Variants in MTOR observed in about 807,000 individuals in gnomAD.
The protein encoded by MTOR is serine/threonine-protein kinase mTOR.
A neutral mutation model predicts 319.8 loss-of-function variants in MTOR; 70 were observed. That is an observed-to-expected ratio of 0.22 (90% CI 0.18 to 0.27). The LOEUF (loss-of-function observed/expected upper bound fraction) is 0.27. MTOR is among the 10% of genes least tolerant of loss of function. MTOR has a pLI of 1.00. For missense variants in MTOR, 1,890 were observed against 3,274.4 expected (o/e 0.58, Z 10.32); for synonymous variants, 1,183 against 1,211.4 (o/e 0.98, Z 0.49).
Position 11,130,699 on chromosome 1 carries a change from T to C in MTOR, c.5443A>G (p.Lys1815Glu), listed in dbSNP as rs1283402697. Residue 1815 changes from lysine (K) to glutamate (E), a missense_variant, in exon 39 of 58, where the codon AAG becomes GAG. By Grantham distance (56) the Lys-to-Glu change is moderately conservative. Around this residue, in one of 15 missense-constraint regions of MTOR, gnomAD observed 91 missense variants for 90.4 expected, o/e 1.01. Coordinates refer to ENST00000361445, the MANE Select transcript of MTOR (RefSeq NM_004958.4). Reference sequence around the variant, plus strand: ...GCCCCGCTGGCATGACGCAGTTTCTTCTTCTCATCGCGGGCTTGGTTCTGA... The same window carrying C: ...GCCCCGCTGGCATGACGCAGTTTCTCCTTCTCATCGCGGGCTTGGTTCTGA... The part of the protein sequence containing the change: ...KHQNQARDEK[K>E]KLRHASGANI... 8 of 1,607,784 alleles carry C rather than the reference T, an allele frequency of 5.0e-6. No individual in the cohort carries two copies. Among genetic ancestry groups the C allele is most frequent in the Admixed American group, 1.7e-5 (1 of 58,570 alleles).
intron 30 of MTOR, chr1:11,152,486 T>C (rs1331963534): frequency 6.6e-6 from 1 of 151,340 alleles, no homozygotes; most frequent in Non-Finnish European, 1.5e-5. Context: ...CTCTTAGGGT[T>C]GAGGGCCTAT....
chr1:11,258,565 T>C lies in MTOR; in HGVS notation c.191A>G (p.Tyr64Cys). The C allele has an allele frequency of 1.9e-6, 3 of 1,613,946 alleles. No individual in the cohort carries two copies. Among genetic ancestry groups the C allele is most frequent in the East Asian group, 2.2e-5 (1 of 44,880 alleles). ...EMSQEESTRF[Y>C]DQLNHHIFEL... ...AAAAATGTGATGGTTCAGTTGGTCA[T>C]AGAAGCGAGTAGACTCCTCTTGACT... Residue 64 changes from tyrosine (Y) to cysteine (C), a missense_variant, in exon 3 of 58, where the codon TAT (tyrosine) becomes TGT (cysteine). Physicochemically the swap from Tyr to Cys is radical, Grantham distance 194. Coordinates refer to ENST00000361445, the MANE Select transcript of MTOR (RefSeq NM_004958.4).
At chr1:11,113,457 T>A (rs908615880) in intron 53 of MTOR, among the ~76,000 whole-genome samples, 3 of 152,208 alleles carry the variant, frequency 2.0e-5, no homozygotes, top group African/African-American at 7.2e-5. Context: ...ATGCAATAGC[T>A]CTGCAATGTA....
Position 11,109,859 on chromosome 1 carries a change from G to A in MTOR, c.7367-130C>T. 2 of 749,302 alleles carry A rather than the reference G, an allele frequency of 2.7e-6. No homozygotes were observed. The highest frequency in any genetic ancestry group is 2.6e-5 in the East Asian group (1 of 38,180). 46.4% of individuals were successfully genotyped at this position (749,302 alleles called of 1,614,324 possible). On this transcript the variant is annotated intron_variant, in intron 54 of 57. Transcript: ENST00000361445. This position sits in a 1 kb window ranked among gnomAD's most constrained non-coding sequence, Gnocchi z 4.0. The stretch of plus-strand genomic sequence containing the variant: ...ACCTACCCTAAAGGGGAAAAGAGAA[G>A]GAAAGTTTTATGTTACTCTTTATGT...
chr1:11,234,939 C>T (rs1250820652), intron 13 of MTOR, among the ~76,000 whole-genome samples: 1 of 152,124 alleles, frequency 6.6e-6, no homozygotes, highest in Non-Finnish European at 1.5e-5. Context: ...ATAAAGCTGC[C>T]AGAAGGAAAT....
Position 11,121,260 on chromosome 1 carries a change from T to C in MTOR, c.6919A>G (p.Ser2307Gly). 1 of 1,613,508 alleles carries C rather than the reference T, an allele frequency of 6.2e-7. No homozygotes were observed. The highest frequency in any genetic ancestry group is 8.5e-7 in the Non-Finnish European group (1 of 1,180,004). ...DDLAKLLWLKSPSSEVWFDRR... is the reference protein window; with the variant it reads ...DDLAKLLWLKGPSSEVWFDRR... ...CAGTGGCCTACCTCGGAGCTGGGGC[T>C]TTTCAGCCACAGCAGCTTGGCCAGG... Residue 2307 changes from serine (S) to glycine (G), a missense_variant, in exon 49 of 58, where the codon AGC (serine) becomes GGC (glycine). This residue lies in a region of MTOR where 249 missense variants were observed against 596.2 expected (regional missense o/e 0.42). Coordinates refer to ENST00000361445, the MANE Select transcript of MTOR (RefSeq NM_004958.4). The surrounding 1 kb of genome is among the most constrained non-coding windows in gnomAD (Gnocchi z 4.9).
Position 11,228,975 on chromosome 1 carries a change from C to A in MTOR, c.2780-57G>T, listed in dbSNP as rs949699612. ...ACACATGGCATGACGTGACTTCAGG[C>A]AGAGCATGGTTAGTAACAAACAACC... On this transcript the variant is annotated intron_variant, in intron 18 of 57. Coordinates refer to ENST00000361445, the MANE Select transcript of MTOR (RefSeq NM_004958.4). The A allele has an allele frequency of 7.0e-5, 112 of 1,594,558 alleles. No individual in the cohort carries two copies. In the East Asian group the frequency reaches 1.3e-3, roughly 18 times the overall value.
chr1:11,226,167 C>T (rs760569418), intron 19 of MTOR: 9 of 152,052 alleles, frequency 5.9e-5, no homozygotes, highest in Non-Finnish European at 8.8e-5. Context: ...ATGACTATTA[C>T]AGACTAAAGA....
intron 19 of MTOR, among the ~76,000 whole-genome samples, chr1:11,220,268 A>G (rs916437812): frequency 6.6e-5 from 10 of 152,138 alleles, no homozygotes; most frequent in African/African-American, 2.4e-4. Flanking sequence ...CCACAGAAAA[A>G]ATATGTAAAA....
rs564031592 is a variant in MTOR, at chr1:11,145,314, G to A, written c.4687-269C>T. 2.7e-4 allele frequency: 128 copies of A among 467,890 alleles called. No individual in the cohort carries two copies. In the East Asian group the frequency reaches 4.3e-3, roughly 16 times the overall value. 29.0% of individuals were successfully genotyped at this position (467,890 alleles called of 1,614,324 possible). On this transcript the variant is annotated intron_variant, in intron 32 of 57. Coordinates refer to ENST00000361445, the MANE Select transcript of MTOR (RefSeq NM_004958.4). ...AAAATCTTAGGTGGCAAGGGCATGGGAATGTGGGCTGTAAAACCGAATCAT... is the reference window on the plus strand; with the variant it reads ...AAAATCTTAGGTGGCAAGGGCATGGAAATGTGGGCTGTAAAACCGAATCAT...
chr1:11,216,760 G>A (rs1280332885), intron 19 of MTOR, among the ~76,000 whole-genome samples: 4 of 152,054 alleles, frequency 2.6e-5, no homozygotes, highest in African/African-American at 9.7e-5. Flanking sequence ...CTGCACAGCA[G>A]GGGCTTTGTA....
intron 10 of MTOR, among the ~76,000 whole-genome samples, chr1:11,241,207 G>C (rs1390822616): frequency 6.6e-6 from 1 of 151,536 alleles, no homozygotes; most frequent in African/African-American, 2.4e-5. Flanking sequence ...TGTAGTCCCA[G>C]CTACTCAGGA....
At chr1:11,237,502 G>A (rs1312607162) in intron 13 of MTOR, among the ~76,000 whole-genome samples, 1 of 152,026 alleles carries the variant, frequency 6.6e-6, no homozygotes, top group Non-Finnish European at 1.5e-5. Context: ...AGGATAGGGA[G>A]GCGCTGGGAA....
intron 29 of MTOR, among the ~76,000 whole-genome samples, chr1:11,158,382 T>C (rs1403514062): frequency 6.6e-6 from 1 of 152,200 alleles, no homozygotes; most frequent in African/African-American, 2.4e-5. Context: ...TAATCTTTTC[T>C]TCTTGAACCT....
chr1:11,190,229 A>G (rs866121185), intron 28 of MTOR, among the ~76,000 whole-genome samples: 6 of 152,338 alleles, frequency 3.9e-5, no homozygotes. Context: ...AGCAAGTCTT[A>G]GAAGCAGGGT....
chr1:11,150,932 A>G (rs920613328), intron 30 of MTOR, among the ~76,000 whole-genome samples: 1 of 152,222 alleles, frequency 6.6e-6, no homozygotes, highest in Non-Finnish European at 1.5e-5. Context: ...CTCGGCTATT[A>G]TGCAAATCCG....
chr1:11,180,615 C>T (rs1463929409), intron 28 of MTOR, among the ~76,000 whole-genome samples: 1 of 152,102 alleles, frequency 6.6e-6, no homozygotes, highest in African/African-American at 2.4e-5. Context: ...GTGGGGTGGA[C>T]ATGTGATCTT....
At position 11,134,399 on chromosome 1, in the gene MTOR, G is replaced by C; in HGVS notation, c.5198C>G (p.Ala1733Gly). The C allele has an allele frequency of 1.9e-6, 3 of 1,614,232 alleles. No homozygotes were observed. The highest frequency in any genetic ancestry group is 2.5e-6 in the Non-Finnish European group (3 of 1,180,044). The part of the protein sequence containing the change: ...TMQQQAQHAI[A>G]TEDQQHKQEL... ...CTGCTTATGCTGCTGGTCCTCAGTA[G>C]CGATGGCATGCTGGGCCTGTTGCTG... The change falls in exon 37 of 58, where the codon GCT becomes GGT. Residue 1733 changes from alanine to glycine, a missense_variant. By Grantham distance (60) the Ala-to-Gly change is moderately conservative. Coordinates refer to ENST00000361445, the MANE Select transcript of MTOR (RefSeq NM_004958.4).
intron 56 of MTOR, among the ~76,000 whole-genome samples, chr1:11,108,712 C>CAA (rs758531091): frequency 0.02 from 978 of 49,532 alleles, 19 homozygotes; most frequent in African/African-American, 0.062. Flanking sequence ...GACCCTGTCT[C>CAA]AAAAAAAAAA....
Sources: allele counts gnomAD v4.1 joint callset (sites outside exome capture counted in the v4.1 genomes callset), GRCh38; gene constraint gnomAD v4.1.1; regional missense constraint gnomAD v4.1.1; non-coding constraint Gnocchi (gnomAD v3.1); transcripts MANE v1.5; gene names NCBI Gene and HGNC (gene_info 2026-07-23, HGNC 2026-07-21).